The following PTPRG variants were observed in gnomAD, a reference collection of about 807,000 sequenced individuals.
The protein encoded by PTPRG is protein tyrosine phosphatase receptor type G.
Under a neutral mutation model 165.3 loss-of-function variants are expected in PTPRG, and 102 were observed. The ratio of observed to expected loss-of-function variants is 0.62; its 90% CI spans 0.53 to 0.73. The LOEUF (loss-of-function observed/expected upper bound fraction) is 0.73, where lower values mean the gene tolerates loss of function less well. Ranked by LOEUF, PTPRG falls within the 30% of genes least tolerant of loss-of-function variation. The pLI is 0.00. For synonymous variants in PTPRG, 675 were observed against 669.5 expected (o/e 1.01, Z -0.13); for missense variants, 1,866 against 1,861.4 (o/e 1.00, Z -0.05).
rs1057402875 is a variant in PTPRG at position 62,203,276 on chromosome 3, C to T, written c.1481C>T (p.Thr494Ile). 6.2e-7 allele frequency: 1 copy of T among 1,614,060 alleles called. No individual in the cohort carries two copies. Among genetic ancestry groups the T allele is most frequent in the South Asian group, 1.1e-5 (1 of 91,068 alleles). Residue 494 changes from threonine (T) to isoleucine (I), a missense_variant, in exon 12 of 30, where the codon ACT (threonine) becomes ATT (isoleucine). This residue lies in a region of PTPRG where 1,452 missense variants were observed against 1,463.0 expected (regional missense o/e 0.99). Coordinates refer to ENST00000474889, the MANE Select transcript of PTPRG (RefSeq NM_002841.4). This position sits in a 1 kb window ranked among gnomAD's most constrained non-coding sequence, Gnocchi z 6.4. ...GIPFSFVSMATGMGPSSSGSQ... is the reference protein window; with the variant it reads ...GIPFSFVSMAIGMGPSSSGSQ... Reference sequence around the variant, plus strand: ...CCATTCTCATTTGTTTCCATGGCAACTGGGATGGGCCCCTCCTCCAGTGGC... The same window carrying T: ...CCATTCTCATTTGTTTCCATGGCAATTGGGATGGGCCCCTCCTCCAGTGGC...
At chr3:62,071,292 G>C (rs1701202859) in intron 4 of PTPRG, among the ~76,000 whole-genome samples, 1 of 152,140 alleles carries the variant, frequency 6.6e-6, no homozygotes, top group African/African-American at 2.4e-5. Context: ...ATAAAACGTA[G>C]AGCTTTCTAA....
rs1185362004 is a variant in PTPRG, at chr3:61,880,643, A to AAG, written c.191-108974_191-108973dup. 2.7e-4 allele frequency among the ~76,000 whole-genome samples: 40 copies of AAG among 150,188 alleles called. 1 individual carries two copies. Among genetic ancestry groups the AAG allele is most frequent in the African/African-American group, 8.0e-4 (32 of 40,184 alleles). ...GTCTCAAAAAAAAAAAAAAAAAAAAAAGAGAGAGACCTATGGCCAGGTGAT... is the reference window on the plus strand; with the variant it reads ...GTCTCAAAAAAAAAAAAAAAAAAAAAAGAGAGAGAGACCTATGGCCAGGTGAT... On this transcript the variant is annotated intron_variant, in intron 2 of 29. Coordinates refer to ENST00000474889, the MANE Select transcript of PTPRG (RefSeq NM_002841.4).
intron 1 of PTPRG, among the ~76,000 whole-genome samples, chr3:61,603,303 C>T (rs371661692): frequency 9.9e-5 from 15 of 152,228 alleles, no homozygotes; most frequent in African/African-American, 3.6e-4. Context: ...ATAATAGGGG[C>T]GGAGCCTTTG....
intron 1 of PTPRG, among the ~76,000 whole-genome samples, chr3:61,629,765 C>A (rs1334851631): frequency 1.3e-5 from 2 of 152,118 alleles, no homozygotes; most frequent in Non-Finnish European, 2.9e-5. Flanking sequence ...CTTTAGAAAG[C>A]CTATGGCATT....
At chr3:61,962,366 T>A (rs564517792) in intron 2 of PTPRG, among the ~76,000 whole-genome samples, 1 of 152,234 alleles carries the variant, frequency 6.6e-6, no homozygotes, top group Admixed American at 6.5e-5. Context: ...AGTTGTGAAA[T>A]CTTTCCTTTG....
intron 5 of PTPRG, among the ~76,000 whole-genome samples, chr3:62,095,045 C>T (rs970858554): frequency 5.3e-5 from 8 of 152,184 alleles, no homozygotes; most frequent in African/African-American, 1.9e-4. Flanking sequence ...GATGAAATGT[C>T]GCACAGGGTT....
chr3:61,919,246 GA>G (rs2039019064), intron 2 of PTPRG, among the ~76,000 whole-genome samples: 1 of 152,172 alleles, frequency 6.6e-6, no homozygotes, highest in Non-Finnish European at 1.5e-5. Flanking sequence ...GTGCTGCGTT[GA>G]GGTTGGAGAT....
intron 2 of PTPRG, among the ~76,000 whole-genome samples, chr3:61,796,686 T>C (rs2035054994): frequency 6.6e-6 from 1 of 152,342 alleles, no homozygotes; most frequent in African/African-American, 2.4e-5. Context: ...TCCTTCTGAC[T>C]TTTTAGGTCA....
Position 62,222,910 on chromosome 3 carries a change from G to A in PTPRG, c.2288+3927G>A, listed in dbSNP as rs552146882. 1.3e-5 allele frequency among the ~76,000 whole-genome samples: 2 copies of A among 152,194 alleles called. No individual in the cohort carries two copies. Among genetic ancestry groups the A allele is most frequent in the Non-Finnish European group, 2.9e-5 (2 of 68,002 alleles). On this transcript the variant is annotated intron_variant, in intron 13 of 29. Transcript: ENST00000474889. This position sits in a 1 kb window ranked among gnomAD's most constrained non-coding sequence, Gnocchi z 4.5. The stretch of plus-strand genomic sequence containing the variant: ...GAATTGAGTATGGGGAGTATTTGGA[G>A]AAGGATAAATCCAAGTTGCTATAAC...
At chr3:62,192,781 A>T (rs1243689973) in intron 9 of PTPRG, among the ~76,000 whole-genome samples, 1 of 152,118 alleles carries the variant, frequency 6.6e-6, no homozygotes, top group African/African-American at 2.4e-5. Flanking sequence ...CCTTGCGTTT[A>T]TTGTTAATCA....
At chr3:61,867,811 C>T (rs1311058362) in intron 2 of PTPRG, among the ~76,000 whole-genome samples, 1 of 152,136 alleles carries the variant, frequency 6.6e-6, no homozygotes, top group Non-Finnish European at 1.5e-5. Context: ...ATTGAGTTTG[C>T]AGAGACAACC....
At chr3:61,594,756 A>G (rs1248124298) in intron 1 of PTPRG, among the ~76,000 whole-genome samples, 1 of 152,160 alleles carries the variant, frequency 6.6e-6, no homozygotes, top group East Asian at 1.9e-4. Flanking sequence ...TTGGTAATTT[A>G]TATACTACAC....
At chr3:61,608,575 C>T (rs1055211915) in intron 1 of PTPRG, among the ~76,000 whole-genome samples, 2 of 152,192 alleles carry the variant, frequency 1.3e-5, no homozygotes, top group Non-Finnish European at 2.9e-5. Flanking sequence ...GGAGAGCTGA[C>T]CTGGAAGGGA....
intron 28 of PTPRG, among the ~76,000 whole-genome samples, chr3:62,284,236 GA>G (rs1361746615): frequency 6.6e-6 from 1 of 152,030 alleles, no homozygotes; most frequent in African/African-American, 2.4e-5. Flanking sequence ...AAGAGGAAAA[GA>G]AAAATAACCA....
chr3:61,969,524 G>A (rs142630305), intron 2 of PTPRG, among the ~76,000 whole-genome samples: 186 of 152,276 alleles, frequency 1.2e-3, no homozygotes, highest in Non-Finnish European at 2.2e-3. Context: ...AAAGAAGTTG[G>A]AGAAGAGGCA....
At chr3:61,797,825 C>T (rs1051484773) in intron 2 of PTPRG, among the ~76,000 whole-genome samples, 1 of 151,628 alleles carries the variant, frequency 6.6e-6, no homozygotes, top group African/African-American at 2.4e-5. Context: ...TCCTGGGTTA[C>T]CTGATCCTCA....
At chr3:61,678,200 A>G (rs577057724) in intron 1 of PTPRG, among the ~76,000 whole-genome samples, 2 of 152,320 alleles carry the variant, frequency 1.3e-5, no homozygotes, top group South Asian at 4.2e-4. Context: ...AGGAAGATGG[A>G]AGATGAATGG....
intron 1 of PTPRG, among the ~76,000 whole-genome samples, chr3:61,617,990 A>C (rs548444523): frequency 6.6e-6 from 1 of 152,220 alleles, no homozygotes; most frequent in South Asian, 2.1e-4. Context: ...TGAATTATAA[A>C]TGTGCAGGTA....
intron 2 of PTPRG, among the ~76,000 whole-genome samples, chr3:61,804,232 T>C (rs7644447): frequency 6.6e-5 from 10 of 152,282 alleles, no homozygotes; most frequent in African/African-American, 1.9e-4. Context: ...CAGGTCTCCA[T>C]TGTTGTTTAA....
Sources: allele counts gnomAD v4.1 joint callset (sites outside exome capture counted in the v4.1 genomes callset), GRCh38; gene constraint gnomAD v4.1.1; regional missense constraint gnomAD v4.1.1; non-coding constraint Gnocchi (gnomAD v3.1); transcripts MANE v1.5; gene names NCBI Gene and HGNC (gene_info 2026-07-23, HGNC 2026-07-21).